Variants in TMEM134 observed in about 807,000 individuals in gnomAD.
The protein encoded by TMEM134 is transmembrane protein 134.
Under a neutral mutation model 26.2 loss-of-function variants are expected in TMEM134, and 36 were observed. The ratio of observed to expected loss-of-function variants is 1.37; its 90% CI spans 1.05 to 1.81. The LOEUF (loss-of-function observed/expected upper bound fraction) is 1.81, where lower values mean the gene tolerates loss of function less well. Among genes scored for constraint, TMEM134 ranks in the 40% most tolerant of loss-of-function variants. The pLI, the probability that TMEM134 is intolerant of heterozygous loss-of-function variation, is 0.00. For synonymous variants in TMEM134, 133 were observed against 113.6 expected (o/e 1.17, Z -1.08); for missense variants, 339 against 263.5 (o/e 1.29, Z -1.98).
At position 67,462,210 on chromosome 11, in the gene TMEM134, T is replaced by C. The variant is rs1865038466; in HGVS notation, c.*2404A>G. 6.6e-6 allele frequency: 1 copy of C among 151,984 alleles called. No individual in the cohort carries two copies. The highest frequency in any genetic ancestry group is 2.4e-5 in the African/African-American group (1 of 41,398). The allele number at this position is 151,984 out of a possible 1,614,324, so 9.4% of individuals were successfully genotyped here. A position where few individuals can be genotyped will look rare whatever the true frequency, so the allele number is the denominator to read the frequency against. On this transcript the variant is annotated 3_prime_UTR_variant, in exon 7 of 7. Coordinates refer to ENST00000308022, the MANE Select transcript of TMEM134 (RefSeq NM_025124.4). ...AAAAAAACAAGGAGTAAAAAGTTGTTAGCTGCGATTCTGTGTTAATTGCCT... is the reference window on the plus strand; with the variant it reads ...AAAAAAACAAGGAGTAAAAAGTTGTCAGCTGCGATTCTGTGTTAATTGCCT...
rs1466039495 is a variant in TMEM134 at position 67,462,390 on chromosome 11, G to A, written c.*2224C>T. 6.8e-6 allele frequency: 1 copy of A among 146,792 alleles called. No homozygotes were observed. The highest frequency in any genetic ancestry group is 1.5e-5 in the Non-Finnish European group (1 of 67,002). The allele number at this position is 146,792 out of a possible 1,614,324, so 9.1% of individuals were successfully genotyped here. On this transcript the variant is annotated 3_prime_UTR_variant, in exon 7 of 7. Coordinates refer to ENST00000308022, the MANE Select transcript of TMEM134 (RefSeq NM_025124.4). ...TTTTTTGGAGACAGAGTCTCGCTCT[G>A]TCGCTCAGGCTGGAGTGTAGTGGCG...
chr11:67,468,159 G>T, intron 1 of TMEM134, 67 bp from the exon 2 acceptor site: 1 of 1,437,972 alleles, frequency 7.0e-7, no homozygotes. Context: ...CTCCCGGGAA[G>T]AGAAAAGCAG....
In TMEM134 at chr11:67,469,231, T is replaced by C. The variant is rs774373838; in HGVS notation, c.-39A>G. ...TCAGGCGCCGTGCGCCGCCGCCATC[T>C]GCGCCCACACACCCAGCGTCGCCGC... On this transcript the variant is annotated 5_prime_UTR_variant, in exon 1 of 7. Coordinates refer to ENST00000308022, the MANE Select transcript of TMEM134 (RefSeq NM_025124.4). 4,135 of 1,251,128 alleles carry C rather than the reference T, an allele frequency of 3.3e-3. 13 individuals carry two copies. Among genetic ancestry groups the C allele is most frequent in the Non-Finnish European group, 3.9e-3 (3,867 of 995,382 alleles). The allele number at this position is 1,251,128 out of a possible 1,614,324, so 77.5% of individuals were successfully genotyped here.
rs112914114 is a variant in TMEM134 at position 67,468,800 on chromosome 11, C to T, written c.174+219G>A. ...GAGCTGAGGGATGAGCTCCCGGGCC[C>T]GGGCACTGGGCTCTTCCCGGCTGGC... On this transcript the variant is annotated intron_variant, in intron 1 of 6. Coordinates refer to ENST00000308022, the MANE Select transcript of TMEM134 (RefSeq NM_025124.4). Among the ~76,000 whole-genome samples, 15 of 152,284 alleles carry T rather than the reference C, an allele frequency of 9.9e-5. No individual in the cohort carries two copies. In the South Asian group the frequency reaches 1.7e-3, roughly 17 times the overall value.
rs550773424 is a variant in TMEM134, at chr11:67,467,842, C to T, written c.239+186G>A. Reference sequence around the variant, plus strand: ...TGGGGGTTTCTGAAAGAGGTGAGTACAGCTGGGCACTAGGGTAGGGTGACC... The same window carrying T: ...TGGGGGTTTCTGAAAGAGGTGAGTATAGCTGGGCACTAGGGTAGGGTGACC... On this transcript the variant is annotated intron_variant, in intron 2 of 6. Coordinates refer to ENST00000308022, the MANE Select transcript of TMEM134 (RefSeq NM_025124.4). The T allele has an allele frequency of 3.7e-5, 25 of 670,116 alleles. No individual in the cohort carries two copies. In the South Asian group the frequency reaches 4.2e-4, roughly 11 times the overall value. 41.5% of individuals were successfully genotyped at this position (670,116 alleles called of 1,614,324 possible).
rs1865052945 is a variant in TMEM134, at chr11:67,462,644, C to A, written c.*1970G>T. The A allele has an allele frequency of 1.3e-5, 2 of 152,054 alleles. No homozygotes were observed. Among genetic ancestry groups the A allele is most frequent in the African/African-American group, 4.8e-5 (2 of 41,484 alleles). The allele number at this position is 152,054 out of a possible 1,614,324, so 9.4% of individuals were successfully genotyped here. Reference sequence around the variant, plus strand: ...CTGGGATTGCAGGCATGAGCCACCACGCCCAGCCTCTGTATGTTTTTTATT... The same window carrying A: ...CTGGGATTGCAGGCATGAGCCACCAAGCCCAGCCTCTGTATGTTTTTTATT... On this transcript the variant is annotated 3_prime_UTR_variant, in exon 7 of 7. Coordinates refer to ENST00000308022, the MANE Select transcript of TMEM134 (RefSeq NM_025124.4).
chr11:67,468,618 G>T (rs1865438098), intron 1 of TMEM134, among the ~76,000 whole-genome samples: 1 of 152,182 alleles, frequency 6.6e-6, no homozygotes. Context: ...AGAGAAAGGC[G>T]TGCGGGTTCC....
Position 67,464,153 on chromosome 11 carries a change from C to T in TMEM134, c.*461G>A, listed in dbSNP as rs960563720. On this transcript the variant is annotated 3_prime_UTR_variant, in exon 7 of 7. Transcript: ENST00000308022. Reference sequence around the variant, plus strand: ...TGGGGCAGGCTGTTCCGGCCGGCTCCTGGCTGGCAAGGCAGGAGTCCTACG... The same window carrying T: ...TGGGGCAGGCTGTTCCGGCCGGCTCTTGGCTGGCAAGGCAGGAGTCCTACG... The T allele has an allele frequency of 1.1e-5, 2 of 189,850 alleles. No homozygotes were observed. The highest frequency in any genetic ancestry group is 4.8e-5 in the African/African-American group (2 of 41,702). 11.8% of individuals were successfully genotyped at this position (189,850 alleles called of 1,614,324 possible).
rs1158085783 is a variant in TMEM134 at position 67,468,908 on chromosome 11, C to A, written c.174+111G>T. ...TCCGCGGGGCGGGGGGGCGGTCTCGCGCTTCAGCTGGGGCCTCTAGGCAGA... is the reference window on the plus strand; with the variant it reads ...TCCGCGGGGCGGGGGGGCGGTCTCGAGCTTCAGCTGGGGCCTCTAGGCAGA... On this transcript the variant is annotated intron_variant, in intron 1 of 6. Coordinates refer to ENST00000308022, the MANE Select transcript of TMEM134 (RefSeq NM_025124.4). The A allele has an allele frequency of 1.9e-5, 21 of 1,126,048 alleles. 1 individual carries two copies. In the South Asian group the frequency reaches 4.6e-4, roughly 25 times the overall value. 69.8% of individuals were successfully genotyped at this position (1,126,048 alleles called of 1,614,324 possible).
Position 67,464,478 on chromosome 11 carries a change from C to T in TMEM134, c.*136G>A. 2.2e-6 allele frequency: 2 copies of T among 904,390 alleles called. No homozygotes were observed. The highest frequency in any genetic ancestry group is 3.4e-6 in the Non-Finnish European group (2 of 579,948). The allele number at this position is 904,390 out of a possible 1,614,324, so 56.0% of individuals were successfully genotyped here. ...CTTTCCCAGGGCCAGGCCTGCATGC[C>T]CCGAACTTCCTGAGCAAACTCCCTA... On this transcript the variant is annotated 3_prime_UTR_variant, in exon 7 of 7. Coordinates refer to ENST00000308022, the MANE Select transcript of TMEM134 (RefSeq NM_025124.4).
Position 67,465,352 on chromosome 11 carries a change from C to T in TMEM134, c.407-252G>A, listed in dbSNP as rs1166107573. ...TCAGCAAACATTTATGGAACACCTA[C>T]TGCGTGCCTGGTACTGGGAATTCCG... On this transcript the variant is annotated intron_variant, in intron 4 of 6. Coordinates refer to ENST00000308022, the MANE Select transcript of TMEM134 (RefSeq NM_025124.4). 2.1e-5 allele frequency: 22 copies of T among 1,029,174 alleles called. 1 individual carries two copies. The highest frequency in any genetic ancestry group is 1.4e-5 in the Non-Finnish European group (11 of 763,784). The allele number at this position is 1,029,174 out of a possible 1,614,324, so 63.8% of individuals were successfully genotyped here. A position where few individuals can be genotyped will look rare whatever the true frequency, so the allele number is the denominator to read the frequency against.
In TMEM134 at chr11:67,469,219, G is replaced by A. The variant is rs1024473269; in HGVS notation, c.-27C>T. Reference sequence around the variant, plus strand: ...GCCCCGGCCCGCTCAGGCGCCGTGCGCCGCCGCCATCTGCGCCCACACACC... The same window carrying A: ...GCCCCGGCCCGCTCAGGCGCCGTGCACCGCCGCCATCTGCGCCCACACACC... On this transcript the variant is annotated 5_prime_UTR_variant, in exon 1 of 7. Coordinates refer to ENST00000308022, the MANE Select transcript of TMEM134 (RefSeq NM_025124.4). 4 of 1,256,308 alleles carry A rather than the reference G, an allele frequency of 3.2e-6. No individual in the cohort carries two copies. In the African/African-American group the frequency reaches 4.7e-5, roughly 15 times the overall value. The allele number at this position is 1,256,308 out of a possible 1,614,324, so 77.8% of individuals were successfully genotyped here.
chr11:67,464,875 C>T lies in TMEM134; in HGVS notation c.452-19G>A, dbSNP rs765747970. 20 of 1,609,516 alleles carry T rather than the reference C, an allele frequency of 1.2e-5. No individual in the cohort carries two copies. Among genetic ancestry groups the T allele is most frequent in the Middle Eastern group, 2.1e-4 (1 of 4,680 alleles). ...GAGACACCTGCGGGAGGGACCAGAGCCCGGTCAGGGCGAGGGGGCGGAGGC... is the reference window on the plus strand; with the variant it reads ...GAGACACCTGCGGGAGGGACCAGAGTCCGGTCAGGGCGAGGGGGCGGAGGC... On this transcript the variant is annotated intron_variant, in intron 5 of 6. Transcript: ENST00000308022.
chr11:67,468,348 G>A lies in TMEM134; in HGVS notation c.175-256C>T, dbSNP rs1865416316. 3 of 530,464 alleles carry A rather than the reference G, an allele frequency of 5.7e-6. No individual in the cohort carries two copies. The East Asian group carries it at 9.7e-5, about 17-fold the overall frequency. The allele number at this position is 530,464 out of a possible 1,614,324, so 32.9% of individuals were successfully genotyped here. The stretch of plus-strand genomic sequence containing the variant: ...GGAGAGCTCCCAACTTTGGGTTAGG[G>A]TGGAGCTCTCATTCAGTGGCCTAGA... On this transcript the variant is annotated intron_variant, in intron 1 of 6. Transcript: ENST00000308022.
chr11:67,465,127 G>A (rs1193590394), intron 4 of TMEM134, 27 bp from the exon 5 acceptor site: 4 of 1,556,656 alleles, frequency 2.6e-6, no homozygotes, highest in Admixed American at 1.9e-5. Context: ...CCGCGGGGGT[G>A]GGGGCAGGAG....
At chr11:67,464,726 C>A (rs1288685304) in intron 6 of TMEM134, 30 bp from the exon 7 acceptor site, 1 of 1,549,030 alleles carries the variant, frequency 6.5e-7, no homozygotes, top group Non-Finnish European at 8.7e-7. Flanking sequence ...AGCGCAGAAG[C>A]CCCGCCCCTC....
chr11:67,465,089 C>A lies in TMEM134; in HGVS notation c.418G>T (p.Val140Phe), dbSNP rs201857431. Residue 140 changes from valine to phenylalanine, a missense_variant, in exon 5 of 7, where the codon GTC becomes TTC. Transcript: ENST00000308022. Reference sequence around the variant, plus strand: ...GGGGTCGCCTCCAGTCCCACGCCGACCAGGATCAGCACTGCACACAGACGG... The same window carrying A: ...GGGGTCGCCTCCAGTCCCACGCCGAACAGGATCAGCACTGCACACAGACGG... ...LLLLGLVLIL[V>F]GVGLEATPSP... 3.2e-4 allele frequency: 507 copies of A among 1,586,110 alleles called. 2 individuals carry two copies. The African/African-American group carries it at 6.2e-3, about 19-fold the overall frequency.
Position 67,464,457 on chromosome 11 carries a change from C to A in TMEM134, c.*157G>T. On this transcript the variant is annotated 3_prime_UTR_variant, in exon 7 of 7. Transcript: ENST00000308022. ...CACAGAGCAGGCGACGGGCGGCTTT[C>A]CCAGGGCCAGGCCTGCATGCCCCGA... The A allele has an allele frequency of 1.4e-6, 1 of 731,450 alleles. No individual in the cohort carries two copies. 45.3% of individuals were successfully genotyped at this position (731,450 alleles called of 1,614,324 possible).
chr11:67,462,622 G>A lies in TMEM134; in HGVS notation c.*1992C>T, dbSNP rs1408304315. On this transcript the variant is annotated 3_prime_UTR_variant, in exon 7 of 7. Transcript: ENST00000308022. ...CCTGCCTCGGCCTCCCAAAGTGCTG[G>A]GATTGCAGGCATGAGCCACCACGCC... The A allele has an allele frequency of 6.6e-6, 1 of 151,842 alleles. No homozygotes were observed. Among genetic ancestry groups the A allele is most frequent in the Non-Finnish European group, 1.5e-5 (1 of 67,950 alleles). 9.4% of individuals were successfully genotyped at this position (151,842 alleles called of 1,614,324 possible). A position where few individuals can be genotyped will look rare whatever the true frequency, so the allele number is the denominator to read the frequency against.
Sources: allele counts gnomAD v4.1 joint callset (sites outside exome capture counted in the v4.1 genomes callset), GRCh38; gene constraint gnomAD v4.1.1; transcripts MANE v1.5; gene names NCBI Gene and HGNC (gene_info 2026-07-23, HGNC 2026-07-21).